STK3: variants seen among roughly 807,000 people sequenced by gnomAD.
STK3 encodes serine/threonine kinase 3.
A neutral mutation model predicts 58.0 loss-of-function variants in STK3; 41 were observed. That is an observed-to-expected ratio of 0.71 (90% confidence interval 0.55 to 0.92). STK3 has a LOEUF of 0.92. STK3 is among the 40% of genes least tolerant of loss of function. STK3 has a pLI of 0.00. For synonymous variants in STK3, 170 were observed against 191.0 expected, an observed-to-expected ratio of 0.89 and a Z score of 0.91; for missense variants, 479 against 602.7, an observed-to-expected ratio of 0.79 and a Z score of 2.15.
At chr8:98,604,476 T>C (rs1333076594) in intron 6 of STK3, among the ~76,000 whole-genome samples, 1 of 152,198 alleles carries the variant, frequency 6.6e-6, no homozygotes, top group Non-Finnish European at 1.5e-5. Context: ...GTCTGGAGGA[T>C]GGTGGCCCTC....
At chr8:98,680,091 A>G (rs1215695404) in intron 6 of STK3, among the ~76,000 whole-genome samples, 2 of 152,212 alleles carry the variant, frequency 1.3e-5, no homozygotes, top group Non-Finnish European at 2.9e-5. Context: ...AACTGGATAT[A>G]TAACTTTCCT....
intron 9 of STK3, among the ~76,000 whole-genome samples, chr8:98,538,911 G>A (rs975753689): frequency 3.3e-5 from 5 of 152,152 alleles, no homozygotes; most frequent in Non-Finnish European, 5.9e-5. Context: ...TGGATTCCTC[G>A]TACTTTTGTA....
chr8:98,465,245 C>G (rs1422334372), intron 10 of STK3, among the ~76,000 whole-genome samples: 4 of 152,176 alleles, frequency 2.6e-5, no homozygotes, highest in Non-Finnish European at 4.4e-5. Flanking sequence ...CTAGGTCTCT[C>G]AGCTAGAGGT....
chr8:98,612,507 G>A (rs1012302216), intron 6 of STK3, among the ~76,000 whole-genome samples: 2 of 150,446 alleles, frequency 1.3e-5, no homozygotes, highest in South Asian at 4.2e-4. Flanking sequence ...ATGAAAGATG[G>A]AGAGAAGGCA....
downstream of STK3, among the ~76,000 whole-genome samples, chr8:98,451,407 T>C (rs1819194262): frequency 6.6e-6 from 1 of 152,178 alleles, no homozygotes; most frequent in Non-Finnish European, 1.5e-5. Context: ...GATAAGGTCA[T>C]AAACGTCACT....
At chr8:98,566,810 T>G (rs1389814735) in intron 8 of STK3, among the ~76,000 whole-genome samples, 1 of 152,010 alleles carries the variant, frequency 6.6e-6, no homozygotes, top group Non-Finnish European at 1.5e-5. Flanking sequence ...CTTTCATCCA[T>G]GAAATAATCA....
chr8:98,677,093 G>T (rs1823272429), intron 6 of STK3, among the ~76,000 whole-genome samples: 1 of 152,166 alleles, frequency 6.6e-6, no homozygotes, highest in Non-Finnish European at 1.5e-5. Flanking sequence ...GCAGGAGCAG[G>T]TTATAGACAT....
intron 3 of STK3, among the ~76,000 whole-genome samples, chr8:98,755,636 TA>T (rs777890737): frequency 2.6e-5 from 4 of 152,214 alleles, no homozygotes; most frequent in African/African-American, 4.8e-5. Context: ...AAGAAATGCT[TA>T]AACTCCAGAG....
chr8:98,767,242 C>T lies in STK3; in HGVS notation c.236+1G>A, dbSNP rs373151198. 2.5e-6 allele frequency: 4 copies of T among 1,603,038 alleles called. No homozygotes were observed. Among genetic ancestry groups the T allele is most frequent in the South Asian group, 1.1e-5 (1 of 88,800 alleles). ...AGCAAAGAAATAAAATCTCTTCATACCTGTCACATTGCTGCATTATGGAAA... is the reference window on the plus strand; with the variant it reads ...AGCAAAGAAATAAAATCTCTTCATATCTGTCACATTGCTGCATTATGGAAA... On this transcript the variant is annotated splice_donor_variant, in intron 3 of 10. Coordinates refer to ENST00000419617, the MANE Select transcript of STK3 (RefSeq NM_006281.4). LOFTEE classifies it high-confidence loss of function.
At chr8:98,778,095 C>CT in intron 1 of STK3, among the ~76,000 whole-genome samples, 1 of 151,952 alleles carries the variant, frequency 6.6e-6, no homozygotes, top group South Asian at 2.1e-4. Flanking sequence ...AACAGGCAAC[C>CT]TACAGAATGG....
At chr8:98,811,982 G>C (rs1306824302) in intron 1 of STK3, among the ~76,000 whole-genome samples, 1 of 152,100 alleles carries the variant, frequency 6.6e-6, no homozygotes, top group Non-Finnish European at 1.5e-5. Context: ...GCTAATTTTT[G>C]TATTTGTAGT....
intron 6 of STK3, among the ~76,000 whole-genome samples, chr8:98,616,844 C>T (rs1251239637): frequency 6.7e-6 from 1 of 149,552 alleles, no homozygotes; most frequent in Non-Finnish European, 1.5e-5. Context: ...GAGACTTAGA[C>T]TCCCACACAT....
At chr8:98,370,229 G>T (rs1410970152), downstream of STK3, among the ~76,000 whole-genome samples, 1 of 151,712 alleles carries the variant, frequency 6.6e-6, no homozygotes, top group African/African-American at 2.4e-5. Context: ...TTGGGTGGGG[G>T]CTGAAGTGAC....
intron 1 of STK3, among the ~76,000 whole-genome samples, chr8:98,382,393 GT>G (rs1817743477): frequency 6.6e-6 from 1 of 152,190 alleles, no homozygotes; most frequent in Non-Finnish European, 1.5e-5. Context: ...ATAACATTTT[GT>G]TTAAAAGGCA....
chr8:98,380,508 A>G (rs963332289), intron 1 of STK3, among the ~76,000 whole-genome samples: 2 of 152,164 alleles, frequency 1.3e-5, no homozygotes, highest in African/African-American at 4.8e-5. Flanking sequence ...TCTCACATCT[A>G]TTATTACCTT....
At chr8:98,792,489 G>A (rs1332794586) in intron 1 of STK3, among the ~76,000 whole-genome samples, 1 of 152,168 alleles carries the variant, frequency 6.6e-6, no homozygotes, top group African/African-American at 2.4e-5. Flanking sequence ...CTGAGGTTGG[G>A]AGTTCGAGAC....
At chr8:98,351,779 T>C in the STK3 span, among the ~76,000 whole-genome samples, 1 of 152,166 alleles carries the variant, frequency 6.6e-6, no homozygotes, top group Non-Finnish European at 1.5e-5. Context: ...CAAATCTCCT[T>C]AGAGAAATGG....
At chr8:98,611,415 T>G (rs1817187286) in intron 6 of STK3, among the ~76,000 whole-genome samples, 2 of 151,800 alleles carry the variant, frequency 1.3e-5, no homozygotes, top group Non-Finnish European at 2.9e-5. Context: ...TCTCAGAAAT[T>G]TAGTGTGAAA....
intron 3 of STK3, among the ~76,000 whole-genome samples, chr8:98,855,602 C>T (rs1436279494): frequency 6.6e-6 from 1 of 152,048 alleles, no homozygotes; most frequent in Non-Finnish European, 1.5e-5. Context: ...TGGATTCAGC[C>T]ATAGCTTCTT....
Sources: allele counts gnomAD v4.1 joint callset (sites outside exome capture counted in the v4.1 genomes callset), GRCh38; gene constraint gnomAD v4.1.1; transcripts MANE v1.5; gene names NCBI Gene and HGNC (gene_info 2026-07-23, HGNC 2026-07-21).